NDFIP2: variants seen among roughly 807,000 people sequenced by gnomAD.
The protein encoded by NDFIP2 is NEDD4 family-interacting protein 2.
In NDFIP2, 19 loss-of-function variants were observed where a neutral mutation model predicts 36.0. That is an observed-to-expected ratio of 0.53 (90% confidence interval 0.37 to 0.77). The LOEUF (loss-of-function observed/expected upper bound fraction) is 0.77, where lower values mean the gene tolerates loss of function less well. NDFIP2 is among the 30% of genes least tolerant of loss of function. The pLI, the probability that NDFIP2 is intolerant of heterozygous loss-of-function variation, is 0.00. For missense variants in NDFIP2, 446 were observed against 435.8 expected (o/e 1.02, Z -0.21); for synonymous variants, 181 against 167.7 (o/e 1.08, Z -0.61).
intron 1 of NDFIP2, among the ~76,000 whole-genome samples, chr13:79,503,064 G>A (rs1873728047): frequency 6.6e-6 from 1 of 152,096 alleles, no homozygotes; most frequent in Non-Finnish European, 1.5e-5. Flanking sequence ...CATAAGTTAG[G>A]ATGGATGCCA....
At position 79,481,288 on chromosome 13, in the gene NDFIP2, G is replaced by A. The variant is rs1475807175; in HGVS notation, c.85G>A (p.Gly29Arg). 5.8e-6 allele frequency: 9 copies of A among 1,539,328 alleles called. No homozygotes were observed. The highest frequency in any genetic ancestry group is 7.9e-6 in the Non-Finnish European group (9 of 1,146,276). ...SARGAPELLR[G>R]TATNAEVSAA... ...GCGCGGCGCCCCGGAGCTTCTCCGC[G>A]GAACCGCGACCAACGCGGAGGTCTC... Residue 29 changes from glycine (G) to arginine (R), a missense_variant, in exon 1 of 8, where the codon GGA becomes AGA. By Grantham distance (125) the Gly-to-Arg change is moderately radical. Around this residue, in one of 2 missense-constraint regions of NDFIP2, gnomAD observed 369 missense variants for 304.8 expected, o/e 1.21. Transcript: ENST00000218652.
Position 79,481,219 on chromosome 13 carries a change from A to T in NDFIP2, c.16A>T (p.Ser6Cys). The change falls in exon 1 of 8, where the codon AGC becomes TGC. Residue 6 changes from serine to cysteine, a missense_variant. Ser to Cys is a moderately radical substitution (Grantham distance 112). Transcript: ENST00000218652. MARRR[S>C]QRVCASGPSM... is the part of the protein sequence containing the mutation. ...GGCGGCGCGGATGGCACGCCGGCGG[A>T]GCCAGCGAGTCTGCGCGAGCGGTCC... 1.3e-6 allele frequency: 2 copies of T among 1,514,196 alleles called. No individual in the cohort carries two copies. The highest frequency in any genetic ancestry group is 2.5e-5 in the East Asian group (1 of 39,408). The allele number at this position is 1,514,196 out of a possible 1,614,324, so 93.8% of individuals were successfully genotyped here.
intron 5 of NDFIP2, among the ~76,000 whole-genome samples, chr13:79,545,446 T>C (rs1291630143): frequency 2.0e-5 from 3 of 152,202 alleles, no homozygotes; most frequent in Admixed American, 2.0e-4. Flanking sequence ...GTCATCAAGT[T>C]TGATCACCAG....
In NDFIP2 at chr13:79,489,091, A is replaced by C. The variant is rs565586802; in HGVS notation, c.321+7567A>C. ...TTTTAGTTTTATATTGCTGTGTAAC[A>C]AACATCTCTAAATACAAGTATTTAT... On this transcript the variant is annotated intron_variant, in intron 1 of 7. Transcript: ENST00000218652. Among the ~76,000 whole-genome samples the C allele has an allele frequency of 5.9e-5, 9 of 152,350 alleles. No individual in the cohort carries two copies. The East Asian group carries it at 1.5e-3, about 26-fold the overall frequency.
chr13:79,544,232 T>C (rs1875569846), intron 5 of NDFIP2, among the ~76,000 whole-genome samples: 1 of 152,174 alleles, frequency 6.6e-6, no homozygotes, highest in Non-Finnish European at 1.5e-5. Context: ...TGAAGGCCTG[T>C]GAAGTGGTTA....
intron 6 of NDFIP2, among the ~76,000 whole-genome samples, chr13:79,549,491 T>C (rs1875817648): frequency 6.6e-6 from 1 of 151,902 alleles, no homozygotes; most frequent in African/African-American, 2.4e-5. Context: ...ACAATGCCAG[T>C]TCCACTTCAG....
rs1407343828 is a variant in NDFIP2 at position 79,552,583 on chromosome 13, C to A, written c.*70C>A. 1 of 151,848 alleles carries A rather than the reference C, an allele frequency of 6.6e-6. No individual in the cohort carries two copies. Among genetic ancestry groups the A allele is most frequent in the Non-Finnish European group, 1.5e-5 (1 of 67,478 alleles). 9.4% of individuals were successfully genotyped at this position (151,848 alleles called of 1,614,324 possible). On this transcript the variant is annotated 3_prime_UTR_variant, in exon 8 of 8. Coordinates refer to ENST00000218652, the MANE Select transcript of NDFIP2 (RefSeq NM_019080.3). ...TTCCAGATCATCTGTAAACCTACAACTTTAATAGAAGACTACTAATAACAG... is the reference window on the plus strand; with the variant it reads ...TTCCAGATCATCTGTAAACCTACAAATTTAATAGAAGACTACTAATAACAG...
chr13:79,534,922 A>G (rs1273997478), intron 3 of NDFIP2, among the ~76,000 whole-genome samples: 1 of 152,114 alleles, frequency 6.6e-6, no homozygotes, highest in Admixed American at 6.6e-5. Flanking sequence ...CGTCAACATA[A>G]ATAGCTTTGG....
rs1280344266 is a variant in NDFIP2 at position 79,553,852 on chromosome 13, A to G, written c.*1339A>G. 1.3e-5 allele frequency: 2 copies of G among 151,984 alleles called. No individual in the cohort carries two copies. Among genetic ancestry groups the G allele is most frequent in the East Asian group, 1.9e-4 (1 of 5,200 alleles). 9.4% of individuals were successfully genotyped at this position (151,984 alleles called of 1,614,324 possible). ...GTTATATCTTTGGTTTTGAATACCA[A>G]CATTTAAAATGATGGTATTTTATCT... is the stretch of plus-strand genomic sequence containing the variant. On this transcript the variant is annotated 3_prime_UTR_variant, in exon 8 of 8. Transcript: ENST00000218652.
rs75274467 is a variant in NDFIP2 at position 79,534,326 on chromosome 13, G to A, written c.621+870G>A. ...AAAAAACACAGAGAAATGTTACAAG[G>A]CCTTCAAATTATTTTTGTCAGCTGT... On this transcript the variant is annotated intron_variant, in intron 3 of 7. Transcript: ENST00000218652. Among the ~76,000 whole-genome samples, 972 of 146,308 alleles carry A rather than the reference G, an allele frequency of 6.6e-3. 15 individuals are homozygous for A. Among genetic ancestry groups the A allele is most frequent in the African/African-American group, 0.023 (925 of 39,802 alleles).
chr13:79,517,218 G>A (rs1210244374), intron 1 of NDFIP2, among the ~76,000 whole-genome samples: 1 of 152,072 alleles, frequency 6.6e-6, no homozygotes, highest in East Asian at 1.9e-4. Context: ...AGTTTTTCAG[G>A]AGGCTCATAA....
In NDFIP2 at chr13:79,487,781, A is replaced by G. The variant is rs577433502; in HGVS notation, c.321+6257A>G. On this transcript the variant is annotated intron_variant, in intron 1 of 7. Transcript: ENST00000218652. ...AGTTTAAAATTCCTGTTCTTAGCAT[A>G]CAAGTTTTTTTGAATGGGCCCTCCC... Among the ~76,000 whole-genome samples the G allele has an allele frequency of 2.6e-5, 4 of 152,254 alleles. No individual in the cohort carries two copies. In the East Asian group the frequency reaches 7.7e-4, roughly 29 times the overall value.
chr13:79,505,416 G>T (rs745634255), intron 1 of NDFIP2, among the ~76,000 whole-genome samples: 2 of 152,102 alleles, frequency 1.3e-5, no homozygotes, highest in Non-Finnish European at 2.9e-5. Flanking sequence ...TATTGCTTGA[G>T]CCCAGGAGTT....
At chr13:79,519,642 T>G (rs1354206884) in intron 1 of NDFIP2, among the ~76,000 whole-genome samples, 4 of 152,232 alleles carry the variant, frequency 2.6e-5, no homozygotes, top group Non-Finnish European at 5.9e-5. Flanking sequence ...TCCTAGGATC[T>G]CCTAGGTTGT....
chr13:79,517,049 A>C (rs1874375452), intron 1 of NDFIP2, among the ~76,000 whole-genome samples: 1 of 152,190 alleles, frequency 6.6e-6, no homozygotes, highest in African/African-American at 2.4e-5. Flanking sequence ...TGCTCAGTAT[A>C]TATCTATAAA....
intron 2 of NDFIP2, among the ~76,000 whole-genome samples, chr13:79,526,040 C>T (rs1035083372): frequency 6.6e-6 from 1 of 152,092 alleles, no homozygotes; most frequent in African/African-American, 2.4e-5. Context: ...ATGCTCTTAG[C>T]AGATGGAGAG....
At chr13:79,492,641 T>C (rs9530925) in intron 1 of NDFIP2, among the ~76,000 whole-genome samples, 105,051 of 151,934 alleles carry the variant, frequency 0.69, 37,769 homozygotes, top group African/African-American at 0.89. Flanking sequence ...CTGCCTTGGC[T>C]TCCCAAAGTG....
Position 79,520,800 on chromosome 13 carries a change from G to A in NDFIP2, c.322-10G>A, listed in dbSNP as rs766223793. On this transcript the variant is annotated splice_polypyrimidine_tract_variant and intron_variant, in intron 1 of 7. Coordinates refer to ENST00000218652, the MANE Select transcript of NDFIP2 (RefSeq NM_019080.3). ...TACATTAATGTTTTGTTTTTCTTTTGTTCTCTTAGCTTCTTAATGAAGAGG... is the reference window on the plus strand; with the variant it reads ...TACATTAATGTTTTGTTTTTCTTTTATTCTCTTAGCTTCTTAATGAAGAGG... 6.3e-7 allele frequency: 1 copy of A among 1,583,588 alleles called. No homozygotes were observed. Among genetic ancestry groups the A allele is most frequent in the Non-Finnish European group, 8.6e-7 (1 of 1,163,700 alleles).
intron 5 of NDFIP2, among the ~76,000 whole-genome samples, chr13:79,546,359 T>C (rs1038964540): frequency 6.6e-6 from 1 of 152,198 alleles, no homozygotes; most frequent in Non-Finnish European, 1.5e-5. Context: ...TGGTTAAAAA[T>C]ACATATGTGT....
Sources: allele counts gnomAD v4.1 joint callset (sites outside exome capture counted in the v4.1 genomes callset), GRCh38; gene constraint gnomAD v4.1.1; regional missense constraint gnomAD v4.1.1; transcripts MANE v1.5; gene names NCBI Gene and HGNC (gene_info 2026-07-23, HGNC 2026-07-21).